Variants in C3orf52 observed in about 807,000 individuals in gnomAD.
The protein encoded by C3orf52 is TPA-induced transmembrane protein.
C3orf52 carries 22 observed loss-of-function variants against 24.8 expected under a neutral mutation model. The ratio of observed to expected loss-of-function variants is 0.89; its 90% CI spans 0.63 to 1.27. The LOEUF (loss-of-function observed/expected upper bound fraction) is 1.27, where lower values mean the gene tolerates loss of function less well. Among genes scored for constraint, C3orf52 ranks in the 50% most tolerant of loss-of-function variants. The pLI, the probability that C3orf52 is intolerant of heterozygous loss-of-function variation, is 0.00. For missense variants in C3orf52, 265 were observed against 260.7 expected (o/e 1.02, Z -0.11); for synonymous variants, 93 against 100.2 (o/e 0.93, Z 0.43).
intron 5 of C3orf52, among the ~76,000 whole-genome samples, chr3:112,114,404 T>TAA (rs34730547): frequency 0.026 from 3,148 of 122,196 alleles, 51 homozygotes; most frequent in South Asian, 0.07. Context: ...TTACAGGAAT[T>TAA]AAAAAAAAAA....
intron 3 of C3orf52, among the ~76,000 whole-genome samples, chr3:112,104,898 G>A (rs772163110): frequency 4.6e-5 from 7 of 152,086 alleles, no homozygotes; most frequent in Non-Finnish European, 8.8e-5. Flanking sequence ...TGAGTGAGAC[G>A]CTTCTTGCTA....
intron 2 of C3orf52, among the ~76,000 whole-genome samples, chr3:112,100,033 G>C (rs1017796751): frequency 6.6e-6 from 1 of 152,212 alleles, no homozygotes; most frequent in Admixed American, 6.5e-5. Context: ...AGCCAGCTCT[G>C]TTTCTACTAT....
At chr3:112,096,064 A>T (rs1276467332) in intron 2 of C3orf52, among the ~76,000 whole-genome samples, 1 of 152,158 alleles carries the variant, frequency 6.6e-6, no homozygotes, top group Non-Finnish European at 1.5e-5. Flanking sequence ...GTTCCTCAGG[A>T]ACTATATTTG....
rs1379278832 is a variant in C3orf52 at position 112,086,531 on chromosome 3, G to T, written c.124G>T (p.Val42Phe). 6.4e-7 allele frequency: 1 copy of T among 1,550,990 alleles called. No individual in the cohort carries two copies. Among genetic ancestry groups the T allele is most frequent in the East Asian group, 2.4e-5 (1 of 40,844 alleles). Residue 42 changes from valine (V) to phenylalanine (F), a missense_variant, in exon 1 of 6, where the codon GTC becomes TTC. Coordinates refer to ENST00000264848, the MANE Select transcript of C3orf52 (RefSeq NM_024616.3). ...DKVFPSLDEE[V>F]PPAEANKESP... Reference sequence around the variant, plus strand: ...GGTCTTCCCTTCTTTGGACGAGGAGGTCCCCCCGGCCGAGGTAAGGTCCCC... The same window carrying T: ...GGTCTTCCCTTCTTTGGACGAGGAGTTCCCCCCGGCCGAGGTAAGGTCCCC...
At chr3:112,120,649 T>C (rs1276177597), downstream of C3orf52, among the ~76,000 whole-genome samples, 2 of 152,192 alleles carry the variant, frequency 1.3e-5, no homozygotes, top group Non-Finnish European at 2.9e-5. Context: ...ATTTAAATGC[T>C]CAGGCTCAGG....
chr3:112,135,252 G>A (rs1257774471), downstream of C3orf52: 1 of 152,184 alleles, frequency 6.6e-6, no homozygotes, highest in East Asian at 1.9e-4. Flanking sequence ...ACAAGTATGT[G>A]TCGAGTGCCT....
chr3:112,118,651 C>T (rs1347801264), downstream of C3orf52, among the ~76,000 whole-genome samples: 1 of 151,214 alleles, frequency 6.6e-6, no homozygotes, highest in African/African-American at 2.4e-5. Flanking sequence ...TTGTGACTAA[C>T]ATATTTGGTG....
chr3:112,125,288 GT>G, intron 4 of C3orf52: 1 of 1,485,626 alleles, frequency 6.7e-7, no homozygotes, highest in Non-Finnish European at 9.4e-7. Flanking sequence ...TGAATTTCAG[GT>G]TATGGGGAGA....
chr3:112,091,879 C>G (rs1233983812), intron 1 of C3orf52, among the ~76,000 whole-genome samples: 3 of 152,152 alleles, frequency 2.0e-5, no homozygotes, highest in African/African-American at 7.2e-5. Context: ...TGGCGGGCGC[C>G]TGTAGTCCCA....
chr3:112,106,264 CT>C (rs11299002), intron 3 of C3orf52, among the ~76,000 whole-genome samples: 144,633 of 151,364 alleles, frequency 0.96, 69,315 homozygotes, highest in Non-Finnish European at 0.99. Flanking sequence ...TCTTCTTCTT[CT>C]TTTTTTTTTC....
At chr3:112,114,956 G>C (rs2074121580) in intron 5 of C3orf52, among the ~76,000 whole-genome samples, 1 of 152,174 alleles carries the variant, frequency 6.6e-6, no homozygotes, top group African/African-American at 2.4e-5. Context: ...CCTGAGGAGG[G>C]CTCCCAGAAG....
At chr3:112,133,282 G>A, downstream of C3orf52, 1 of 711,138 alleles carries the variant, frequency 1.4e-6, no homozygotes, top group South Asian at 1.7e-5. Flanking sequence ...AGGGAAGGAA[G>A]AGGCTGGGGG....
chr3:112,125,328 A>C (rs1471408511), intron 4 of C3orf52: 1 of 1,029,194 alleles, frequency 9.7e-7, no homozygotes, highest in Non-Finnish European at 1.5e-6. Flanking sequence ...GGAGGCTAGA[A>C]TATAAATAAC....
At chr3:112,128,941 C>G (rs1454389924), downstream of C3orf52, 3 of 152,198 alleles carry the variant, frequency 2.0e-5, no homozygotes, top group African/African-American at 7.2e-5. Flanking sequence ...AATATCTCCC[C>G]CCGTGAGCTT....
Position 112,117,189 on chromosome 3 carries a change from C to T in C3orf52, c.*543C>T, listed in dbSNP as rs1201358452. ...GCCAATTATTCACTGAAGTCATCCT[C>T]CTCCCCCCCACCATTCGATTTGATC... On this transcript the variant is annotated 3_prime_UTR_variant, in exon 6 of 6. Coordinates refer to ENST00000264848, the MANE Select transcript of C3orf52 (RefSeq NM_024616.3). 3.6e-6 allele frequency: 2 copies of T among 550,442 alleles called. No homozygotes were observed. Among genetic ancestry groups the T allele is most frequent in the Non-Finnish European group, 6.4e-6 (2 of 311,274 alleles). The allele number at this position is 550,442 out of a possible 1,614,324, so 34.1% of individuals were successfully genotyped here. A position where few individuals can be genotyped will look rare whatever the true frequency, so the allele number is the denominator to read the frequency against.
chr3:112,132,797 T>C (rs2074488603), downstream of C3orf52: 2 of 411,454 alleles, frequency 4.9e-6, no homozygotes, highest in Non-Finnish European at 7.1e-6. Flanking sequence ...TTTCAGAAAG[T>C]TGTTTCATTT....
At chr3:112,111,098 AC>A (rs1425648492) in intron 4 of C3orf52, among the ~76,000 whole-genome samples, 1 of 152,216 alleles carries the variant, frequency 6.6e-6, no homozygotes, top group African/African-American at 2.4e-5. Context: ...AAACCCAGCT[AC>A]TTGGGAGGCT....
Position 112,086,397 on chromosome 3 carries a change from C to G in C3orf52, c.-11C>G. 2.0e-6 allele frequency: 3 copies of G among 1,535,496 alleles called. No individual in the cohort carries two copies. Among genetic ancestry groups the G allele is most frequent in the Non-Finnish European group, 2.6e-6 (3 of 1,136,480 alleles). ...CTCCCGCGGAGCCGCTCAGACTTTCCCTGCCGGCACATGGACCTGGCCCAA... is the reference window on the plus strand; with the variant it reads ...CTCCCGCGGAGCCGCTCAGACTTTCGCTGCCGGCACATGGACCTGGCCCAA... On this transcript the variant is annotated 5_prime_UTR_variant, in exon 1 of 6. Coordinates refer to ENST00000264848, the MANE Select transcript of C3orf52 (RefSeq NM_024616.3).
chr3:112,103,939 C>G (rs372439685), intron 3 of C3orf52, among the ~76,000 whole-genome samples: 1 of 152,134 alleles, frequency 6.6e-6, no homozygotes, highest in Admixed American at 6.5e-5. Flanking sequence ...CAGATTGACA[C>G]AGTTAGATTT....
Sources: allele counts gnomAD v4.1 joint callset (sites outside exome capture counted in the v4.1 genomes callset), GRCh38; gene constraint gnomAD v4.1.1; transcripts MANE v1.5; gene names NCBI Gene and HGNC (gene_info 2026-07-23, HGNC 2026-07-21).